The following GRIK1 variants were observed in gnomAD, a reference collection of about 807,000 sequenced individuals.
The protein encoded by GRIK1 is glutamate receptor ionotropic, kainate 1.
In GRIK1, 69 loss-of-function variants were observed where a neutral mutation model predicts 105.7. The ratio of observed to expected loss-of-function variants is 0.65; its 90% CI spans 0.54 to 0.80. The LOEUF is 0.80. Among genes scored for constraint, GRIK1 ranks in the 30% least tolerant of loss-of-function variants. GRIK1 has a pLI of 0.00. For missense variants in GRIK1, 1,109 were observed against 1,167.3 expected (o/e 0.95, Z 0.73); for synonymous variants, 438 against 431.3 (o/e 1.02, Z -0.19).
intron 7 of GRIK1, among the ~76,000 whole-genome samples, chr21:29,641,519 T>C (rs2062509722): frequency 6.6e-6 from 1 of 152,130 alleles, no homozygotes; most frequent in Non-Finnish European, 1.5e-5. Context: ...AGCATGAAAA[T>C]GGACCAATAG....
chr21:29,719,310 C>G (rs963434962), intron 1 of GRIK1, among the ~76,000 whole-genome samples: 1 of 151,602 alleles, frequency 6.6e-6, no homozygotes, highest in African/African-American at 2.4e-5. Context: ...TTTCTATCTT[C>G]AGCTATCACC....
At chr21:29,712,880 G>A (rs1342532498) in intron 1 of GRIK1, among the ~76,000 whole-genome samples, 2 of 151,622 alleles carry the variant, frequency 1.3e-5, no homozygotes, top group Non-Finnish European at 2.9e-5. Context: ...TCTTCTCATA[G>A]TGAAGAGATT....
intron 1 of GRIK1, among the ~76,000 whole-genome samples, chr21:29,888,097 C>T (rs544176255): frequency 6.6e-5 from 10 of 151,832 alleles, no homozygotes; most frequent in Admixed American, 4.6e-4. Flanking sequence ...GAGGGAGAAG[C>T]CTGCACTCCT....
chr21:29,574,771 T>C (rs1249189987), intron 14 of GRIK1, among the ~76,000 whole-genome samples: 1 of 142,188 alleles, frequency 7.0e-6, no homozygotes. Flanking sequence ...CACTGCAAGC[T>C]CCGCCTCCCG....
At chr21:29,646,833 C>A (rs1365098065) in intron 6 of GRIK1, among the ~76,000 whole-genome samples, 1 of 151,516 alleles carries the variant, frequency 6.6e-6, no homozygotes, top group African/African-American at 2.4e-5. Context: ...TTCAGAATAT[C>A]TCTTGTTCTT....
intron 1 of GRIK1, among the ~76,000 whole-genome samples, chr21:29,862,514 G>A (rs943636994): frequency 6.6e-6 from 1 of 152,132 alleles, no homozygotes; most frequent in Non-Finnish European, 1.5e-5. Flanking sequence ...AGCCTAGTTT[G>A]AAGATCAAAA....
chr21:29,807,850 G>A (rs767788817), intron 1 of GRIK1, among the ~76,000 whole-genome samples: 1 of 152,120 alleles, frequency 6.6e-6, no homozygotes. Context: ...AGGTTGAGTT[G>A]TGGATTCCTG....
chr21:29,626,064 G>T (rs2062122652), intron 7 of GRIK1, among the ~76,000 whole-genome samples: 1 of 152,224 alleles, frequency 6.6e-6, no homozygotes, highest in East Asian at 1.9e-4. Context: ...TAGTCCATTT[G>T]TATTGCTGTA....
chr21:29,787,489 C>T (rs2066288738), intron 1 of GRIK1, among the ~76,000 whole-genome samples: 2 of 152,176 alleles, frequency 1.3e-5, no homozygotes, highest in Admixed American at 6.5e-5. Flanking sequence ...AATTGATTCT[C>T]TGTAACTTTT....
At chr21:29,584,058 A>C (rs967581498) in intron 12 of GRIK1, among the ~76,000 whole-genome samples, 4 of 152,186 alleles carry the variant, frequency 2.6e-5, no homozygotes, top group African/African-American at 9.7e-5. Context: ...GAGTAGCCTT[A>C]TGTTGAAATG....
At chr21:29,742,899 C>G (rs1026406861) in intron 1 of GRIK1, among the ~76,000 whole-genome samples, 1 of 152,198 alleles carries the variant, frequency 6.6e-6, no homozygotes, top group South Asian at 2.1e-4. Context: ...TAAATTTCCA[C>G]AAACAGGCTT....
intron 1 of GRIK1, among the ~76,000 whole-genome samples, chr21:29,750,748 C>A (rs1032504688): frequency 3.3e-5 from 5 of 152,042 alleles, no homozygotes; most frequent in African/African-American, 1.2e-4. Flanking sequence ...AAAAGAAAAC[C>A]TGTGATACTG....
chr21:29,811,931 T>C (rs938142035), intron 1 of GRIK1, among the ~76,000 whole-genome samples: 4 of 152,146 alleles, frequency 2.6e-5, no homozygotes, highest in African/African-American at 9.7e-5. Context: ...GATGACTTGT[T>C]TTCTTACTAT....
In GRIK1 at chr21:29,598,943, G is replaced by A; in HGVS notation, c.1099-6C>T. The A allele has an allele frequency of 1.4e-6, 2 of 1,383,066 alleles. No individual in the cohort carries two copies. Among genetic ancestry groups the A allele is most frequent in the South Asian group, 1.3e-5 (1 of 79,874 alleles). 85.7% of individuals were successfully genotyped at this position (1,383,066 alleles called of 1,614,324 possible). A position where few individuals can be genotyped will look rare whatever the true frequency, so the allele number is the denominator to read the frequency against. Reference sequence around the variant, plus strand: ...GTCAAGCCATCCCACCGGGCCTGTGGACAAGAAGAAATGTGGCTGTTATTG... The same window carrying A: ...GTCAAGCCATCCCACCGGGCCTGTGAACAAGAAGAAATGTGGCTGTTATTG... On this transcript the variant is annotated splice_region_variant and splice_polypyrimidine_tract_variant and intron_variant, in intron 7 of 17. Coordinates refer to ENST00000327783, the MANE Select transcript of GRIK1 (RefSeq NM_001330994.2).
At chr21:29,612,304 T>C (rs920637398) in intron 7 of GRIK1, among the ~76,000 whole-genome samples, 1 of 152,220 alleles carries the variant, frequency 6.6e-6, no homozygotes, top group African/African-American at 2.4e-5. Context: ...TTCTGTTTGT[T>C]GACCACTGGA....
chr21:29,663,893 G>A (rs111682349), intron 4 of GRIK1, among the ~76,000 whole-genome samples: 180 of 152,270 alleles, frequency 1.2e-3, no homozygotes, highest in South Asian at 5.8e-3. Flanking sequence ...GGAGGGGAAA[G>A]GAACTTGTGG....
At chr21:29,629,461 G>C (rs2062212042) in intron 7 of GRIK1, among the ~76,000 whole-genome samples, 2 of 151,806 alleles carry the variant, frequency 1.3e-5, no homozygotes, top group African/African-American at 2.4e-5. Context: ...GGAAATTGAA[G>C]GTGTTCACAC....
At chr21:29,775,912 C>T (rs987607032) in intron 1 of GRIK1, among the ~76,000 whole-genome samples, 5 of 152,008 alleles carry the variant, frequency 3.3e-5, no homozygotes, top group South Asian at 2.1e-4. Flanking sequence ...AAGAACTGCC[C>T]GAGACTGGGT....
intron 1 of GRIK1, among the ~76,000 whole-genome samples, chr21:29,824,554 G>A (rs1437536183): frequency 6.6e-6 from 1 of 151,984 alleles, no homozygotes; most frequent in African/African-American, 2.4e-5. Flanking sequence ...TCTCTGGTCA[G>A]ATGTTACTTG....
Sources: allele counts gnomAD v4.1 joint callset (sites outside exome capture counted in the v4.1 genomes callset), GRCh38; gene constraint gnomAD v4.1.1; transcripts MANE v1.5; gene names NCBI Gene and HGNC (gene_info 2026-07-23, HGNC 2026-07-21).